The following STN1 variants were observed in gnomAD, a reference collection of about 807,000 sequenced individuals.
The protein encoded by STN1 is CST complex subunit STN1.
In STN1, 29 loss-of-function variants were observed where a neutral mutation model predicts 45.5. That is an observed-to-expected ratio of 0.64 (90% CI 0.47 to 0.87). STN1 has a LOEUF of 0.87. Among genes scored for constraint, STN1 ranks in the 40% least tolerant of loss-of-function variants. The pLI is 0.00. For missense variants in STN1, 376 were observed against 441.4 expected (o/e 0.85, Z 1.33); for synonymous variants, 148 against 159.0 (o/e 0.93, Z 0.52).
chr10:103,883,153 G>T (rs1843081899), intron 9 of STN1, among the ~76,000 whole-genome samples: 1 of 152,062 alleles, frequency 6.6e-6, no homozygotes, highest in Non-Finnish European at 1.5e-5. Flanking sequence ...ACTTTTTTCT[G>T]TGGGGTAATT....
chr10:103,916,850 C>T (rs564949669), intron 2 of STN1, among the ~76,000 whole-genome samples: 1 of 151,942 alleles, frequency 6.6e-6, no homozygotes, highest in East Asian at 1.9e-4. Context: ...GCTTCAACTG[C>T]TATTTCTATT....
chr10:103,912,734 T>G (rs1371679709), intron 2 of STN1, among the ~76,000 whole-genome samples: 5 of 152,240 alleles, frequency 3.3e-5, no homozygotes, highest in African/African-American at 1.2e-4. Flanking sequence ...CAGCCCTTTC[T>G]GCCTCCCCAA....
At chr10:103,893,714 C>A (rs986712032) in intron 7 of STN1, among the ~76,000 whole-genome samples, 5 of 152,128 alleles carry the variant, frequency 3.3e-5, no homozygotes, top group African/African-American at 1.2e-4. Flanking sequence ...TTCACAAGTC[C>A]GTCCCAAAGT....
chr10:103,887,514 A>G (rs997535253), intron 9 of STN1, among the ~76,000 whole-genome samples: 15 of 152,108 alleles, frequency 9.9e-5, no homozygotes, highest in African/African-American at 3.6e-4. Context: ...TGAGGGGCAT[A>G]CGTTACTATT....
chr10:103,878,292 G>A lies in STN1; in HGVS notation c.*4392C>T, dbSNP rs1843043660. On this transcript the variant is annotated 3_prime_UTR_variant, in exon 10 of 10. Transcript: ENST00000224950. ...GTTTGCTCAGTTTCCCTCCTTTTCA[G>A]GGGAACCCTCTGGCTGGTCTTCAGT... 6.6e-6 allele frequency: 1 copy of A among 152,184 alleles called. No individual in the cohort carries two copies. The highest frequency in any genetic ancestry group is 1.5e-5 in the Non-Finnish European group (1 of 68,042). The allele number at this position is 152,184 out of a possible 1,614,324, so 9.4% of individuals were successfully genotyped here.
Position 103,878,320 on chromosome 10 carries a change from A to G in STN1, c.*4364T>C, listed in dbSNP as rs1009851033. The G allele has an allele frequency of 2.0e-5, 3 of 152,198 alleles. No homozygotes were observed. The highest frequency in any genetic ancestry group is 6.5e-5 in the Admixed American group (1 of 15,276). The allele number at this position is 152,198 out of a possible 1,614,324, so 9.4% of individuals were successfully genotyped here. On this transcript the variant is annotated 3_prime_UTR_variant, in exon 10 of 10. Coordinates refer to ENST00000224950, the MANE Select transcript of STN1 (RefSeq NM_024928.5). Reference sequence around the variant, plus strand: ...GAACCCTCTGGCTGGTCTTCAGTACATGAGCAGTGACCCAGCTGTGGTTAG... The same window carrying G: ...GAACCCTCTGGCTGGTCTTCAGTACGTGAGCAGTGACCCAGCTGTGGTTAG...
intron 2 of STN1, among the ~76,000 whole-genome samples, chr10:103,912,432 T>C (rs1055949114): frequency 6.6e-6 from 1 of 152,150 alleles, no homozygotes; most frequent in Non-Finnish European, 1.5e-5. Flanking sequence ...AGATCTTCAG[T>C]CCCCTGCCCC....
intron 9 of STN1, 23 bp from the exon 10 acceptor site, chr10:103,882,864 T>A (rs748442954): frequency 6.2e-7 from 1 of 1,600,850 alleles, no homozygotes; most frequent in Non-Finnish European, 8.5e-7. Flanking sequence ...GGTAGGTGGC[T>A]GAGTGTGGAC....
chr10:103,889,173 AG>A (rs1564631682), intron 8 of STN1, 29 bp from the exon 9 acceptor site: 1 of 1,472,750 alleles, frequency 6.8e-7, no homozygotes, highest in Non-Finnish European at 9.5e-7. Context: ...TGAGAGAGAG[AG>A]TGTTCTTAGG....
In STN1 at chr10:103,910,611, A is replaced by G; in HGVS notation, c.145T>C (p.Tyr49His). 6.3e-7 allele frequency: 1 copy of G among 1,597,820 alleles called. No individual in the cohort carries two copies. The change falls in exon 3 of 10, where the codon TAC (tyrosine) becomes CAC (histidine). Residue 49 changes from tyrosine (Y) to histidine (H), a missense_variant. By Grantham distance (83) the Tyr-to-His change is moderately conservative. Coordinates refer to ENST00000224950, the MANE Select transcript of STN1 (RefSeq NM_024928.5). Reference sequence around the variant, plus strand: ...ACCTGTTTTATTGGATGTCCATTGTACAAAAATACACCTAAAATTTAAAAA... The same window carrying G: ...ACCTGTTTTATTGGATGTCCATTGTGCAAAAATACACCTAAAATTTAAAAA... The part of the protein sequence containing the change: ...ESRQVPGVFL[Y>H]NGHPIKQVDV...
chr10:103,894,915 G>GA (rs1312276124), intron 7 of STN1, among the ~76,000 whole-genome samples: 1 of 152,006 alleles, frequency 6.6e-6, no homozygotes, highest in Non-Finnish European at 1.5e-5. Flanking sequence ...GGACCACTAT[G>GA]AAAAAAAGGA....
In STN1 at chr10:103,882,643, A is replaced by T; in HGVS notation, c.*41T>A. 3.8e-6 allele frequency: 6 copies of T among 1,566,192 alleles called. No individual in the cohort carries two copies. Among genetic ancestry groups the T allele is most frequent in the Non-Finnish European group, 5.2e-6 (6 of 1,152,128 alleles). On this transcript the variant is annotated 3_prime_UTR_variant, in exon 10 of 10. Transcript: ENST00000224950. ...AAGTCAGAGCCTGGGGGTGAATGCC[A>T]CCTTATCTTTGTCCTCCTCAGCTGG... is the stretch of plus-strand genomic sequence containing the variant.
chr10:103,900,500 C>T, intron 4 of STN1, among the ~76,000 whole-genome samples: 1 of 152,148 alleles, frequency 6.6e-6, no homozygotes, highest in Non-Finnish European at 1.5e-5. Flanking sequence ...TCTTTCCTGC[C>T]CTGCATCACC....
chr10:103,914,373 TA>T (rs57075173), intron 2 of STN1, among the ~76,000 whole-genome samples: 14 of 39,312 alleles, frequency 3.6e-4, no homozygotes, highest in African/African-American at 1.2e-3. Flanking sequence ...TATATATATA[TA>T]TTTTTTTTTT....
chr10:103,886,424 A>G (rs1364224261), intron 9 of STN1, among the ~76,000 whole-genome samples: 1 of 151,892 alleles, frequency 6.6e-6, no homozygotes, highest in African/African-American at 2.4e-5. Context: ...ATAAATTGGA[A>G]TATTTTCAGA....
intron 4 of STN1, among the ~76,000 whole-genome samples, chr10:103,900,898 G>C (rs17573412): frequency 6.6e-6 from 1 of 152,078 alleles, no homozygotes; most frequent in Admixed American, 6.6e-5. Flanking sequence ...GAATCGTCAC[G>C]AATGTCTGGG....
chr10:103,891,055 T>G (rs1316077027), intron 8 of STN1, among the ~76,000 whole-genome samples: 1 of 152,202 alleles, frequency 6.6e-6, no homozygotes, highest in Non-Finnish European at 1.5e-5. Context: ...GGTACAGCCT[T>G]CAGGCAGGCC....
At position 103,905,097 on chromosome 10, in the gene STN1, C is replaced by G. The variant is rs1230385317; in HGVS notation, c.289G>C (p.Val97Leu). The G allele has an allele frequency of 6.2e-7, 1 of 1,613,416 alleles. No individual in the cohort carries two copies. Among genetic ancestry groups the G allele is most frequent in the African/African-American group, 1.3e-5 (1 of 74,914 alleles). ...ATGTGGCAAATAAAATTACCTGATA[C>G]AGACTCAGTATTCAACTTTTTCCAG... is the stretch of plus-strand genomic sequence containing the variant. ...ICWKKLNTES[V>L]SAAPSAAREL... The change falls in exon 4 of 10, where the codon GTA becomes CTA. Residue 97 changes from valine to leucine, a missense_variant. Coordinates refer to ENST00000224950, the MANE Select transcript of STN1 (RefSeq NM_024928.5).
intron 4 of STN1, among the ~76,000 whole-genome samples, chr10:103,902,190 C>T (rs1285402762): frequency 6.6e-6 from 1 of 152,150 alleles, no homozygotes; most frequent in Non-Finnish European, 1.5e-5. Context: ...TTCAGTGAGT[C>T]CAGGTAGGAA....
Sources: gnomAD v4.1 joint callset for allele counts (sites outside exome capture counted in the v4.1 genomes callset) on GRCh38, gnomAD v4.1.1 for gene constraint, MANE v1.5 for transcripts, NCBI Gene and HGNC (gene_info 2026-07-23, HGNC 2026-07-21) for gene names.